Variants in ABCA13 observed in about 807,000 individuals in gnomAD.
ABCA13 encodes the protein ATP binding cassette subfamily A member 13.
ABCA13 carries 476 observed loss-of-function variants against 478.7 expected under a neutral mutation model. The ratio of observed to expected loss-of-function variants is 0.99; its 90% CI spans 0.92 to 1.07. The LOEUF (loss-of-function observed/expected upper bound fraction) is 1.07. Among genes scored for constraint, ABCA13 ranks in the 50% least tolerant of loss-of-function variants. ABCA13 has a pLI of 0.00. For missense variants in ABCA13, 6,060 were observed against 5,910.6 expected (o/e 1.03, Z -0.83); for synonymous variants, 2,252 against 2,158.9 (o/e 1.04, Z -1.20).
chr7:48,544,413 G>A (rs1370993972), intron 55 of ABCA13, among the ~76,000 whole-genome samples: 1 of 151,792 alleles, frequency 6.6e-6, no homozygotes, highest in Admixed American at 6.6e-5. Flanking sequence ...AGGATTACAG[G>A]GTTGGGACTT....
Position 48,643,466 on chromosome 7 carries a change from G to GT in ABCA13, c.14943+78dup, listed in dbSNP as rs879034892. On this transcript the variant is annotated intron_variant, in intron 60 of 61. Coordinates refer to ENST00000435803, the MANE Select transcript of ABCA13 (RefSeq NM_152701.5). ...ATAATAAATGTACCTGTCTTTTTTT[G>GT]TTTTTATTCTATGCTGTTATAAGAT... The GT allele has an allele frequency of 3.4e-4, 453 of 1,333,312 alleles. 8 individuals carry two copies. The South Asian group carries it at 5.4e-3, about 16-fold the overall frequency. The allele number at this position is 1,333,312 out of a possible 1,614,324, so 82.6% of individuals were successfully genotyped here.
At chr7:48,430,965 T>C (rs745426962) in intron 42 of ABCA13, among the ~76,000 whole-genome samples, 14 of 152,310 alleles carry the variant, frequency 9.2e-5, no homozygotes, top group Non-Finnish European at 1.5e-4. Flanking sequence ...TTTATAATTA[T>C]AAACATTTAC....
intron 1 of ABCA13, among the ~76,000 whole-genome samples, chr7:48,176,491 C>T (rs1306832706): frequency 6.6e-6 from 1 of 152,190 alleles, no homozygotes; most frequent in African/African-American, 2.4e-5. Flanking sequence ...GTCTACCATA[C>T]ATAAAGCACC....
intron 55 of ABCA13, among the ~76,000 whole-genome samples, chr7:48,575,580 G>C (rs1291191383): frequency 6.6e-6 from 1 of 151,858 alleles, no homozygotes; most frequent in African/African-American, 2.4e-5. Flanking sequence ...GTGTAGATTA[G>C]AAGCCATTGA....
At chr7:48,492,729 A>G (rs1413116813) in intron 48 of ABCA13, among the ~76,000 whole-genome samples, 6 of 152,068 alleles carry the variant, frequency 3.9e-5, no homozygotes, top group African/African-American at 1.4e-4. Context: ...TCCTTTATAA[A>G]TTACCCAGTC....
chr7:48,557,387 A>G (rs576787067), intron 55 of ABCA13, among the ~76,000 whole-genome samples: 2 of 152,186 alleles, frequency 1.3e-5, no homozygotes, highest in African/African-American at 4.8e-5. Context: ...CAGGTCTGTT[A>G]TTGATGAAAT....
At chr7:48,400,201 T>C (rs1038058486) in intron 38 of ABCA13, among the ~76,000 whole-genome samples, 1 of 152,226 alleles carries the variant, frequency 6.6e-6, no homozygotes, top group Non-Finnish European at 1.5e-5. Flanking sequence ...TATACTCTTA[T>C]TATAATTTCT....
At chr7:48,453,345 C>T (rs949944978) in intron 42 of ABCA13, among the ~76,000 whole-genome samples, 1 of 152,004 alleles carries the variant, frequency 6.6e-6, no homozygotes, top group African/African-American at 2.4e-5. Flanking sequence ...TACCTAATGC[C>T]TCATCCTCAT....
chr7:48,583,606 G>A (rs1034587425), intron 56 of ABCA13, among the ~76,000 whole-genome samples: 9 of 152,138 alleles, frequency 5.9e-5, no homozygotes, highest in East Asian at 1.9e-4. Flanking sequence ...CAATGCATCC[G>A]CAAACGAAAG....
chr7:48,399,940 T>C (rs774430856), intron 38 of ABCA13, among the ~76,000 whole-genome samples: 4 of 152,218 alleles, frequency 2.6e-5, no homozygotes, highest in Non-Finnish European at 5.9e-5. Context: ...TCTCCTGTCT[T>C]ATCTGAGGTC....
intron 23 of ABCA13, among the ~76,000 whole-genome samples, chr7:48,308,926 G>C (rs1169345484): frequency 1.4e-5 from 2 of 146,134 alleles, no homozygotes; most frequent in Admixed American, 1.4e-4. Context: ...GTAGGAGGCT[G>C]TATCATCTAG....
intron 3 of ABCA13, among the ~76,000 whole-genome samples, chr7:48,206,199 C>T (rs1272474100): frequency 6.6e-6 from 1 of 152,196 alleles, no homozygotes; most frequent in Non-Finnish European, 1.5e-5. Flanking sequence ...TTAGTATGGT[C>T]ATGCACCACT....
At chr7:48,218,637 C>A (rs957682327) in intron 3 of ABCA13, among the ~76,000 whole-genome samples, 1 of 152,178 alleles carries the variant, frequency 6.6e-6, no homozygotes, top group African/African-American at 2.4e-5. Context: ...CTCTGGGCTC[C>A]AGACCTAGCT....
At chr7:48,508,528 T>C (rs1020156537) in intron 50 of ABCA13, among the ~76,000 whole-genome samples, 1 of 152,148 alleles carries the variant, frequency 6.6e-6, no homozygotes, top group Admixed American at 6.5e-5. Context: ...TCTGCCATCC[T>C]GGGGGACAAT....
At chr7:48,594,854 T>G in intron 58 of ABCA13, 41 bp downstream of exon 58, 1 of 1,567,734 alleles carries the variant, frequency 6.4e-7, no homozygotes. Flanking sequence ...CTGATAAGAC[T>G]GAGTAACAAA....
intron 48 of ABCA13, among the ~76,000 whole-genome samples, chr7:48,492,967 A>C (rs910268203): frequency 8.5e-5 from 13 of 152,170 alleles, no homozygotes; most frequent in African/African-American, 3.1e-4. Context: ...CAGAGGTTGC[A>C]GTGAGCTAAT....
At chr7:48,407,266 G>C (rs1324147085) in intron 39 of ABCA13, among the ~76,000 whole-genome samples, 1 of 151,954 alleles carries the variant, frequency 6.6e-6, no homozygotes, top group East Asian at 1.9e-4. Flanking sequence ...CTGAGGTCAG[G>C]AGTTCGAGAC....
intron 29 of ABCA13, among the ~76,000 whole-genome samples, chr7:48,341,856 GATATATATATATATATCTTTCTGAT>G (rs1471804192): frequency 0.085 from 2,002 of 23,544 alleles, 43 homozygotes; most frequent in Non-Finnish European, 0.12. Flanking sequence ...ATATCTTTCT[GATATATATATATATATCTTTCTGAT>G]ATATATATAT....
At position 48,483,066 on chromosome 7, in the gene ABCA13, T is replaced by C; in HGVS notation, c.13095-10T>C. ...GGTTGAAGCACTAACACAATGTTCA[T>C]TGTTAACAGGCTTGGAGGTTGGTCT... On this transcript the variant is annotated splice_polypyrimidine_tract_variant and intron_variant, in intron 46 of 61. Coordinates refer to ENST00000435803, the MANE Select transcript of ABCA13 (RefSeq NM_152701.5). The C allele has an allele frequency of 6.2e-7, 1 of 1,606,218 alleles. No individual in the cohort carries two copies. Among genetic ancestry groups the C allele is most frequent in the Non-Finnish European group, 8.5e-7 (1 of 1,176,580 alleles).
Sources: allele counts gnomAD v4.1 joint callset (sites outside exome capture counted in the v4.1 genomes callset), GRCh38; gene constraint gnomAD v4.1.1; transcripts MANE v1.5; gene names NCBI Gene and HGNC (gene_info 2026-07-23, HGNC 2026-07-21).